Variants in SZT2 observed in about 807,000 individuals in gnomAD.
SZT2 encodes KICSTOR complex protein SZT2.
In SZT2, 216 loss-of-function variants were observed where a neutral mutation model predicts 404.2. That is an observed-to-expected ratio of 0.53 (90% confidence interval 0.48 to 0.60). SZT2 has a LOEUF of 0.60. Ranked by LOEUF, SZT2 falls within the 20% of genes least tolerant of loss-of-function variation. The pLI is 0.00. For synonymous variants in SZT2, 1,693 were observed against 1,749.9 expected (o/e 0.97, Z 0.81); for missense variants, 3,857 against 4,459.2 (o/e 0.86, Z 3.85).
At chr1:43,422,992 C>A in intron 14 of SZT2, 107 bp from the exon 15 acceptor site, 1 of 1,496,134 alleles carries the variant, frequency 6.7e-7, no homozygotes, top group Non-Finnish European at 9.0e-7. Flanking sequence ...GCCCCCAGAC[C>A]AAGGAAGACC....
At chr1:43,421,480 G>A (rs1457464659) in intron 11 of SZT2, among the ~76,000 whole-genome samples, 177 bp downstream of exon 11, 1 of 152,222 alleles carries the variant, frequency 6.6e-6, no homozygotes, top group Non-Finnish European at 1.5e-5. Context: ...GGGAAGAGGA[G>A]GATCTATACA....
chr1:43,424,394 T>C lies in SZT2; in HGVS notation c.2433T>C (p.Pro811=). ...CGTCAGGACTGGCCCCTGCGCTGCC[T>C]CTCAGTGCCATTGCCCAGCTCCTCT... ...SVPSGLAPAL[P]LSAIAQLLSI... Residue 811 remains proline (P), a synonymous_variant, in exon 16 of 72, where the codon CCT becomes CCC. Transcript: ENST00000634258. This position sits in a 1 kb window ranked among gnomAD's most constrained non-coding sequence, Gnocchi z 4.1. 1.9e-6 allele frequency: 3 copies of C among 1,598,018 alleles called. No homozygotes were observed. In the Admixed American group the frequency reaches 5.0e-5, roughly 27 times the overall value.
Position 43,427,519 on chromosome 1 carries a change from T to A in SZT2, c.3599-11T>A. 6.2e-7 allele frequency: 1 copy of A among 1,614,116 alleles called. No homozygotes were observed. Among genetic ancestry groups the A allele is most frequent in the South Asian group, 1.1e-5 (1 of 91,084 alleles). ...AGAGCTGGAAGACCACGTGACACCT[T>A]TTCTTCACAGACAATGCCCAGAATC... On this transcript the variant is annotated splice_polypyrimidine_tract_variant and intron_variant, in intron 25 of 71. Transcript: ENST00000634258.
chr1:43,429,400 G>A (rs1653584132), intron 28 of SZT2: 3 of 301,378 alleles, frequency 1.0e-5, no homozygotes, highest in Admixed American at 4.5e-5. Context: ...TGGGCGTGGT[G>A]GCATATGCCT....
At position 43,441,417 on chromosome 1, in the gene SZT2, G is replaced by T; in HGVS notation, c.7511+37G>T. 6.2e-7 allele frequency: 1 copy of T among 1,611,918 alleles called. No homozygotes were observed. Among genetic ancestry groups the T allele is most frequent in the South Asian group, 1.1e-5 (1 of 90,804 alleles). ...GTGGTGGTGTGCCCTGGGAGGGTATGGGTGTGAAGTCACAGATGGGCCTTG... is the reference window on the plus strand; with the variant it reads ...GTGGTGGTGTGCCCTGGGAGGGTATTGGTGTGAAGTCACAGATGGGCCTTG... On this transcript the variant is annotated intron_variant, in intron 53 of 71. Transcript: ENST00000634258. This position sits in a 1 kb window ranked among gnomAD's most constrained non-coding sequence, Gnocchi z 4.8.
rs547064739 is a variant in SZT2, at chr1:43,452,379, G to C, written c.*1899G>C. 1 of 1,370,138 alleles carries C rather than the reference G, an allele frequency of 7.3e-7. No homozygotes were observed. The highest frequency in any genetic ancestry group is 2.4e-5 in the East Asian group (1 of 41,450). The allele number at this position is 1,370,138 out of a possible 1,614,324, so 84.9% of individuals were successfully genotyped here. On this transcript the variant is annotated 3_prime_UTR_variant, in exon 72 of 72. Coordinates refer to ENST00000634258, the MANE Select transcript of SZT2 (RefSeq NM_001365999.1). ...TTGGCTCTCTCTGCACCTCTTCCAG[G>C]ATTCCCTGACTGTGCCAGCCCTCGT...
rs1173971290 is a variant in SZT2, at chr1:43,436,961, TC to T, written c.6035-209del. The T allele has an allele frequency of 4.9e-6, 3 of 608,570 alleles. No individual in the cohort carries two copies. The African/African-American group carries it at 5.6e-5, about 11-fold the overall frequency. 37.7% of individuals were successfully genotyped at this position (608,570 alleles called of 1,614,324 possible). On this transcript the variant is annotated intron_variant, in intron 42 of 71. Transcript: ENST00000634258. The stretch of plus-strand genomic sequence containing the variant: ...CTTCTCTAAGTCTCCTTGAGATAGT[TC>T]TGGAAGCCTTTGTGCTATATGACCT...
In SZT2 at chr1:43,431,590, C is replaced by T. The variant is rs1334114678; in HGVS notation, c.5088+67C>T. On this transcript the variant is annotated intron_variant, in intron 35 of 71. Transcript: ENST00000634258. ...ATCGTATGAGTGAGATAAGGTACCC[C>T]CTTTGTTCTGGGATAGAAGTGAGGC... 5 of 1,607,352 alleles carry T rather than the reference C, an allele frequency of 3.1e-6. No individual in the cohort carries two copies. In the South Asian group the frequency reaches 4.4e-5, roughly 14 times the overall value.
At chr1:43,435,449 A>C in intron 42 of SZT2, 120 bp downstream of exon 42, 1 of 1,132,482 alleles carries the variant, frequency 8.8e-7, no homozygotes, top group Non-Finnish European at 1.2e-6. Context: ...GCCAAGTACT[A>C]GAGAGAGAGC....
chr1:43,424,383 C>G lies in SZT2; in HGVS notation c.2422C>G (p.Pro808Ala), dbSNP rs776936594. 3 of 1,598,072 alleles carry G rather than the reference C, an allele frequency of 1.9e-6. No individual in the cohort carries two copies. The highest frequency in any genetic ancestry group is 1.1e-5 in the South Asian group (1 of 91,074). The stretch of plus-strand genomic sequence containing the variant: ...TTGGAGTGTCCCGTCAGGACTGGCC[C>G]CTGCGCTGCCTCTCAGTGCCATTGC... Reference protein sequence around the residue: ...WLWSVPSGLAPALPLSAIAQL... With the variant: ...WLWSVPSGLAAALPLSAIAQL... Residue 808 changes from proline (P) to alanine (A), a missense_variant, in exon 16 of 72, where the codon CCT becomes GCT. Pro to Ala is a conservative substitution (Grantham distance 27, BLOSUM62 -1). This residue lies in a region of SZT2 where 1,725 missense variants were observed against 1,881.0 expected (regional missense o/e 0.92). Coordinates refer to ENST00000634258, the MANE Select transcript of SZT2 (RefSeq NM_001365999.1). This position sits in a 1 kb window ranked among gnomAD's most constrained non-coding sequence, Gnocchi z 4.1.
At chr1:43,407,450 A>C (rs1027908053) in intron 4 of SZT2, among the ~76,000 whole-genome samples, 2 of 152,036 alleles carry the variant, frequency 1.3e-5, no homozygotes, top group African/African-American at 4.8e-5. Flanking sequence ...TGGGAGGCAG[A>C]GGTTGCCATG....
chr1:43,440,624 T>C (rs1437717111), intron 52 of SZT2, 38 bp downstream of exon 52: 1 of 1,525,642 alleles, frequency 6.6e-7, no homozygotes, highest in Admixed American at 2.1e-5. Context: ...TCTACCTTTC[T>C]GCCTGCCTCC....
chr1:43,452,738 AT>A lies in SZT2; in HGVS notation c.*2259del. On this transcript the variant is annotated 3_prime_UTR_variant, in exon 72 of 72. Coordinates refer to ENST00000634258, the MANE Select transcript of SZT2 (RefSeq NM_001365999.1). ...CTGCCCCCACCATTGACCAGTAGTG[AT>A]CCCCTCTTGCCAGTTCCTTCTGAGC... 1.5e-6 allele frequency: 1 copy of A among 679,006 alleles called. No homozygotes were observed. Among genetic ancestry groups the A allele is most frequent in the South Asian group, 1.8e-5 (1 of 56,700 alleles). The allele number at this position is 679,006 out of a possible 1,614,324, so 42.1% of individuals were successfully genotyped here.
intron 1 of SZT2, among the ~76,000 whole-genome samples, chr1:43,400,048 C>T (rs1649497778): frequency 6.6e-6 from 1 of 152,228 alleles, no homozygotes; most frequent in South Asian, 2.1e-4. Flanking sequence ...AAGCGATCCT[C>T]CCACCTCAAT....
Position 43,431,284 on chromosome 1 carries a change from G to A in SZT2, c.4936G>A (p.Ala1646Thr). The change falls in exon 34 of 72, where the codon GCT (alanine) becomes ACT (threonine). Residue 1646 changes from alanine to threonine, a missense_variant. Ala to Thr is a moderately conservative substitution (Grantham distance 58). This residue lies in a region of SZT2 where 1,725 missense variants were observed against 1,881.0 expected (regional missense o/e 0.92). Coordinates refer to ENST00000634258, the MANE Select transcript of SZT2 (RefSeq NM_001365999.1). ...QHHRSTSESS[A>T]SFPRSPGQPS... ...GTTCAGGTCAACATCTGAAAGCAGT[G>A]CTTCATTTCCACGATCCCCAGGGCA... 6.2e-7 allele frequency: 1 copy of A among 1,612,008 alleles called. No homozygotes were observed. Among genetic ancestry groups the A allele is most frequent in the South Asian group, 1.1e-5 (1 of 90,720 alleles).
Position 43,451,477 on chromosome 1 carries a change from G to A in SZT2, c.*997G>A, listed in dbSNP as rs763735543. 1 of 1,614,130 alleles carries A rather than the reference G, an allele frequency of 6.2e-7. No homozygotes were observed. The highest frequency in any genetic ancestry group is 1.1e-5 in the South Asian group (1 of 91,086). On this transcript the variant is annotated 3_prime_UTR_variant, in exon 72 of 72. Coordinates refer to ENST00000634258, the MANE Select transcript of SZT2 (RefSeq NM_001365999.1). Reference sequence around the variant, plus strand: ...CATCTTCCAGCAGTTGAAACAGATAGGGGAAATTCAGCTCTCCGGGGCTGC... The same window carrying A: ...CATCTTCCAGCAGTTGAAACAGATAAGGGAAATTCAGCTCTCCGGGGCTGC...
At chr1:43,430,242 A>T (rs925470914) in intron 30 of SZT2, 69 bp from the exon 31 acceptor site, 5 of 1,569,304 alleles carry the variant, frequency 3.2e-6, no homozygotes, top group African/African-American at 1.4e-5. Flanking sequence ...AGACAAGTGT[A>T]ATCCCACTTG....
In SZT2 at chr1:43,424,888, C is replaced by G. The variant is rs1652955946; in HGVS notation, c.2550+26C>G. 6.2e-7 allele frequency: 1 copy of G among 1,606,874 alleles called. No individual in the cohort carries two copies. ...GTACGTGCCATCCCCCATGACACCT[C>G]CCTGCCAAGGTCTGTCATAATCCCA... On this transcript the variant is annotated intron_variant, in intron 17 of 71. Coordinates refer to ENST00000634258, the MANE Select transcript of SZT2 (RefSeq NM_001365999.1). This position sits in a 1 kb window ranked among gnomAD's most constrained non-coding sequence, Gnocchi z 4.1.
chr1:43,449,538 G>C (rs1656124396), intron 70 of SZT2: 1 of 162,758 alleles, frequency 6.1e-6, no homozygotes, highest in Admixed American at 5.7e-5. Context: ...AGTGGGTTTT[G>C]GGGAAGGGTG....
Sources: allele counts gnomAD v4.1 joint callset (sites outside exome capture counted in the v4.1 genomes callset), GRCh38; gene constraint gnomAD v4.1.1; regional missense constraint gnomAD v4.1.1; non-coding constraint Gnocchi (gnomAD v3.1); transcripts MANE v1.5; gene names NCBI Gene and HGNC (gene_info 2026-07-23, HGNC 2026-07-21).